The following NEMP2 variants were observed in gnomAD, a reference collection of about 807,000 sequenced individuals.
NEMP2 encodes UPF0571 transmembrane protein.
In NEMP2, 53 loss-of-function variants were observed where a neutral mutation model predicts 54.2. That is an observed-to-expected ratio of 0.98 (90% CI 0.78 to 1.23). NEMP2 has a LOEUF of 1.23. Among genes scored for constraint, NEMP2 ranks in the 50% most tolerant of loss-of-function variants. The probability of loss-of-function intolerance (pLI) is 0.00; values close to 1 mark genes in which losing one functional copy is unlikely to be tolerated. For synonymous variants in NEMP2, 197 were observed against 190.3 expected (o/e 1.04, Z -0.29); for missense variants, 455 against 511.3 (o/e 0.89, Z 1.06).
chr2:190,638,415 C>T, the NEMP2 span, among the ~76,000 whole-genome samples: 1 of 152,000 alleles, frequency 6.6e-6, no homozygotes, highest in East Asian at 1.9e-4. The surrounding 1 kb of genome is among the most constrained non-coding windows in gnomAD (Gnocchi z 5.7). Flanking sequence ...CACAGAGGGG[C>T]CTTGTGTAAC....
chr2:190,628,008 C>T, the NEMP2 span: 1 of 152,592 alleles, frequency 6.6e-6, no homozygotes, highest in Non-Finnish European at 1.5e-5. The surrounding 1 kb of genome is among the most constrained non-coding windows in gnomAD (Gnocchi z 4.1). Context: ...CCACTGGGAA[C>T]TGGCCGGCCA....
the NEMP2 span, among the ~76,000 whole-genome samples, chr2:190,642,692 G>A: frequency 6.6e-6 from 1 of 152,066 alleles, no homozygotes; most frequent in African/African-American, 2.4e-5. This position sits in a 1 kb window ranked among gnomAD's most constrained non-coding sequence, Gnocchi z 4.1. Context: ...ACATGACTCA[G>A]TTAATTGTAG....
At chr2:190,462,932 T>A in the NEMP2 span, among the ~76,000 whole-genome samples, 1 of 152,082 alleles carries the variant, frequency 6.6e-6, no homozygotes, top group Non-Finnish European at 1.5e-5. This position sits in a 1 kb window ranked among gnomAD's most constrained non-coding sequence, Gnocchi z 5.7. Flanking sequence ...TAGAGGAGGG[T>A]ACCATGATGT....
chr2:190,537,564 G>A (rs1691416830), upstream of NEMP2, among the ~76,000 whole-genome samples: 1 of 152,184 alleles, frequency 6.6e-6, no homozygotes, highest in South Asian at 2.1e-4. Context: ...AGAACTGTGA[G>A]TCAATTAAAC....
chr2:190,469,009 C>T, the NEMP2 span, among the ~76,000 whole-genome samples: 4 of 152,056 alleles, frequency 2.6e-5, no homozygotes, highest in African/African-American at 9.7e-5. The surrounding 1 kb of genome is among the most constrained non-coding windows in gnomAD (Gnocchi z 5.3). Context: ...AGACTGAAAC[C>T]TTATGCTTGG....
chr2:190,619,734 C>T, the NEMP2 span, among the ~76,000 whole-genome samples: 147 of 152,134 alleles, frequency 9.7e-4, no homozygotes, highest in African/African-American at 3.4e-3. This position sits in a 1 kb window ranked among gnomAD's most constrained non-coding sequence, Gnocchi z 5.5. Flanking sequence ...GGGACAGGCT[C>T]ATGGGGCAGC....
the NEMP2 span, chr2:190,617,144 T>C: frequency 6.6e-6 from 1 of 151,824 alleles, no homozygotes; most frequent in Non-Finnish European, 1.5e-5. This position sits in a 1 kb window ranked among gnomAD's most constrained non-coding sequence, Gnocchi z 5.0. Context: ...AAAAAGAATA[T>C]TTGAAATATT....
At chr2:190,458,416 C>T in the NEMP2 span, among the ~76,000 whole-genome samples, 1 of 152,010 alleles carries the variant, frequency 6.6e-6, no homozygotes, top group Non-Finnish European at 1.5e-5. The surrounding 1 kb of genome is among the most constrained non-coding windows in gnomAD (Gnocchi z 5.3). Context: ...TGCAAGCCAA[C>T]GAGAGGGGCC....
chr2:190,452,155 T>C, the NEMP2 span, among the ~76,000 whole-genome samples: 1 of 152,070 alleles, frequency 6.6e-6, no homozygotes, highest in South Asian at 2.1e-4. Context: ...AAAATAAGTT[T>C]AAAAATCTCC....
At chr2:190,492,507 A>G in the NEMP2 span, among the ~76,000 whole-genome samples, 1 of 152,222 alleles carries the variant, frequency 6.6e-6, no homozygotes, top group East Asian at 1.9e-4. The surrounding 1 kb of genome is among the most constrained non-coding windows in gnomAD (Gnocchi z 5.2). Context: ...CTCATAATTA[A>G]TTTCCATAAA....
rs1691249703 is a variant in NEMP2 at position 190,533,824 on chromosome 2, G to C, written c.97+735C>G. Among the ~76,000 whole-genome samples, 2 of 152,000 alleles carry C rather than the reference G, an allele frequency of 1.3e-5. No homozygotes were observed. The highest frequency in any genetic ancestry group is 1.3e-4 in the Admixed American group (2 of 15,264). On this transcript the variant is annotated intron_variant, in intron 1 of 8. Coordinates refer to ENST00000409150, the MANE Select transcript of NEMP2 (RefSeq NM_001142645.2). The surrounding 1 kb of genome is among the most constrained non-coding windows in gnomAD (Gnocchi z 4.3). Reference sequence around the variant, plus strand: ...GAAGCTCATGGTAAGTTAGCGGCAGGTCTGGAGTTGGAACTCTAGGTTTCT... The same window carrying C: ...GAAGCTCATGGTAAGTTAGCGGCAGCTCTGGAGTTGGAACTCTAGGTTTCT...
At chr2:190,620,067 AG>A in the NEMP2 span, among the ~76,000 whole-genome samples, 2 of 152,324 alleles carry the variant, frequency 1.3e-5, no homozygotes, top group South Asian at 2.1e-4. The surrounding 1 kb of genome is among the most constrained non-coding windows in gnomAD (Gnocchi z 4.9). Context: ...ATTCTTTTCC[AG>A]GATGCAGACC....
the NEMP2 span, among the ~76,000 whole-genome samples, chr2:190,623,977 A>T: frequency 6.6e-6 from 1 of 152,152 alleles, no homozygotes; most frequent in South Asian, 2.1e-4. Context: ...TATAGCAAAA[A>T]ACAATCTGAT....
At chr2:190,437,529 T>C in the NEMP2 span, 1 of 1,614,042 alleles carries the variant, frequency 6.2e-7, no homozygotes, top group Non-Finnish European at 8.5e-7. This position sits in a 1 kb window ranked among gnomAD's most constrained non-coding sequence, Gnocchi z 5.9. Flanking sequence ...ATTTTTTTAG[T>C]CACAAGCTTA....
At chr2:190,475,300 G>A in the NEMP2 span, among the ~76,000 whole-genome samples, 1 of 152,196 alleles carries the variant, frequency 6.6e-6, no homozygotes, top group African/African-American at 2.4e-5. Flanking sequence ...TGACATGATT[G>A]TATATCTAGA....
chr2:190,478,369 T>A, the NEMP2 span, among the ~76,000 whole-genome samples: 3 of 152,114 alleles, frequency 2.0e-5, no homozygotes, highest in African/African-American at 7.2e-5. Context: ...GTGCTGAGTA[T>A]TTTGACTGCA....
chr2:190,436,749 GA>G, the NEMP2 span: 1 of 1,614,042 alleles, frequency 6.2e-7, no homozygotes. The surrounding 1 kb of genome is among the most constrained non-coding windows in gnomAD (Gnocchi z 5.3). Context: ...TGATGGACTT[GA>G]CTTTGAACTC....
At chr2:190,640,787 AT>A in the NEMP2 span, among the ~76,000 whole-genome samples, 1 of 118,028 alleles carries the variant, frequency 8.5e-6, no homozygotes, top group African/African-American at 3.5e-5. Flanking sequence ...AACACATTCA[AT>A]TTTTTTTTTT....
At chr2:190,581,392 G>T in the NEMP2 span, among the ~76,000 whole-genome samples, 5 of 152,144 alleles carry the variant, frequency 3.3e-5, no homozygotes, top group Admixed American at 6.5e-5. Context: ...ACACAGAAAA[G>T]TGTGTATATG....
Sources: gnomAD v4.1 joint callset for allele counts (sites outside exome capture counted in the v4.1 genomes callset) on GRCh38, gnomAD v4.1.1 for gene constraint, Gnocchi (gnomAD v3.1) non-coding constraint, MANE v1.5 for transcripts, NCBI Gene and HGNC (gene_info 2026-07-23, HGNC 2026-07-21) for gene names.